The following HMG20B variants were observed in gnomAD, a reference collection of about 807,000 sequenced individuals.
HMG20B encodes the protein high mobility group 20B.
Under a neutral mutation model 41.6 loss-of-function variants are expected in HMG20B, and 24 were observed. That is an observed-to-expected ratio of 0.58 (90% confidence interval 0.42 to 0.81). The LOEUF is 0.81. Among genes scored for constraint, HMG20B ranks in the 30% least tolerant of loss-of-function variants. The pLI, the probability that HMG20B is intolerant of heterozygous loss-of-function variation, is 0.00. For synonymous variants in HMG20B, 251 were observed against 186.6 expected, an observed-to-expected ratio of 1.34 and a Z score of -2.81; for missense variants, 461 against 444.0, an observed-to-expected ratio of 1.04 and a Z score of -0.34.
intron 8 of HMG20B, 131 bp downstream of exon 8, chr19:3,577,238 C>T (rs1197612081): frequency 7.6e-6 from 5 of 661,480 alleles, no homozygotes; most frequent in Non-Finnish European, 1.2e-5. Context: ...TCCCCAGTCA[C>T]CCGGCCCCGC....
At position 3,574,529 on chromosome 19, in the gene HMG20B, C is replaced by A. The variant is rs1183902281; in HGVS notation, c.294C>A (p.Pro98=). ...IRTRHPDLPF[P]EITKMLGAEW... is the part of the protein sequence containing the mutation. ...CGCGCCACCCGGATCTGCCCTTTCCCGAGATCACCAAGATGCTGGGCGCCG... is the reference window on the plus strand; with the variant it reads ...CGCGCCACCCGGATCTGCCCTTTCCAGAGATCACCAAGATGCTGGGCGCCG... Residue 98 remains proline (P), a synonymous_variant, in exon 4 of 10, where the codon CCC becomes CCA. Transcript: ENST00000333651. 2 of 1,606,028 alleles carry A rather than the reference C, an allele frequency of 1.2e-6. No individual in the cohort carries two copies. Among genetic ancestry groups the A allele is most frequent in the Non-Finnish European group, 1.7e-6 (2 of 1,177,540 alleles).
chr19:3,578,730 G>C lies in HMG20B; in HGVS notation c.*209G>C, dbSNP rs774099255. 1 of 779,304 alleles carries C rather than the reference G, an allele frequency of 1.3e-6. No homozygotes were observed. Among genetic ancestry groups the C allele is most frequent in the South Asian group, 1.4e-5 (1 of 70,226 alleles). 48.3% of individuals were successfully genotyped at this position (779,304 alleles called of 1,614,324 possible). On this transcript the variant is annotated 3_prime_UTR_variant, in exon 10 of 10. Coordinates refer to ENST00000333651, the MANE Select transcript of HMG20B (RefSeq NM_006339.3). ...CCTGAACCCGGAAAAAGCACTCGCT[G>C]CGCGATACACCCAGAAGAACCTCAC...
intron 9 of HMG20B, 156 bp downstream of exon 9, chr19:3,578,269 C>T (rs1210975045): frequency 1.7e-6 from 2 of 1,201,690 alleles, no homozygotes; most frequent in African/African-American, 1.5e-5. Flanking sequence ...CCTGATGCAC[C>T]AGTGCTAGGA....
intron 6 of HMG20B, 54 bp from the exon 7 acceptor site, chr19:3,576,499 G>C (rs373156616): frequency 4.5e-5 from 69 of 1,522,320 alleles, no homozygotes; most frequent in Non-Finnish European, 5.9e-5. Context: ...CACACCCAGA[G>C]AGCGTGGCTG....
intron 2 of HMG20B, 150 bp downstream of exon 2, chr19:3,573,497 A>T (rs1420894802): frequency 1.4e-5 from 13 of 938,700 alleles, no homozygotes; most frequent in Non-Finnish European, 1.8e-5. Flanking sequence ...TGCACCCCCC[A>T]CCTCGGCCTC....
At chr19:3,575,175 G>A (rs553114609) in intron 4 of HMG20B, among the ~76,000 whole-genome samples, 1 of 152,268 alleles carries the variant, frequency 6.6e-6, no homozygotes, top group East Asian at 1.9e-4. Context: ...AAAACATCAC[G>A]GAAATGTAAC....
At chr19:3,574,265 C>G (rs966198182) in intron 3 of HMG20B, 118 bp from the exon 4 acceptor site, 22 of 948,584 alleles carry the variant, frequency 2.3e-5, no homozygotes, top group Non-Finnish European at 3.0e-5. Context: ...CGGGTTCTTC[C>G]TCCCAGCTAG....
chr19:3,576,238 C>T (rs571180513), intron 5 of HMG20B, 23 bp from the exon 6 acceptor site: 75 of 1,612,582 alleles, frequency 4.7e-5, no homozygotes, highest in Non-Finnish European at 6.0e-5. Context: ...GAGGCTGACC[C>T]TGCCCTTCCC....
intron 9 of HMG20B, 144 bp from the exon 10 acceptor site, chr19:3,578,365 G>A (rs1333265664): frequency 1.6e-6 from 2 of 1,276,926 alleles, no homozygotes; most frequent in African/African-American, 1.5e-5. Flanking sequence ...CCCAGCGCCC[G>A]GGTTAGATAG....
chr19:3,574,187 C>A, intron 3 of HMG20B, 196 bp from the exon 4 acceptor site: 2 of 617,610 alleles, frequency 3.2e-6, no homozygotes, highest in South Asian at 1.9e-5. Flanking sequence ...GATCCCCTCA[C>A]CCCTGGCCAG....
At chr19:3,576,088 A>T in intron 5 of HMG20B, 173 bp from the exon 6 acceptor site, 1 of 632,748 alleles carries the variant, frequency 1.6e-6, no homozygotes, top group Non-Finnish European at 2.8e-6. Context: ...CGGGGGAAAG[A>T]TACATAGCCA....
In HMG20B at chr19:3,572,951, T is replaced by C. The variant is rs1394241695; in HGVS notation, c.-62T>C. 2 of 239,298 alleles carry C rather than the reference T, an allele frequency of 8.4e-6. No individual in the cohort carries two copies. Among genetic ancestry groups the C allele is most frequent in the Non-Finnish European group, 1.6e-5 (2 of 122,960 alleles). The allele number at this position is 239,298 out of a possible 1,614,324, so 14.8% of individuals were successfully genotyped here. A position where few individuals can be genotyped will look rare whatever the true frequency, so the allele number is the denominator to read the frequency against. On this transcript the variant is annotated 5_prime_UTR_variant, in exon 1 of 10. Coordinates refer to ENST00000333651, the MANE Select transcript of HMG20B (RefSeq NM_006339.3). ...CGGGGGCGGGCTGCGGGCGGTTGGT[T>C]GGAGCGTCGCGCAGTCGGGAGGTCC... is the stretch of plus-strand genomic sequence containing the variant.
chr19:3,575,596 G>A lies in HMG20B; in HGVS notation c.408G>A (p.Ala136=), dbSNP rs774583445. 8 of 1,554,462 alleles carry A rather than the reference G, an allele frequency of 5.1e-6. No homozygotes were observed. Among genetic ancestry groups the A allele is most frequent in the South Asian group, 2.4e-5 (2 of 84,176 alleles). The part of the protein sequence containing the change: ...EKQQYMKELR[A]YQQSEAYKMC... ...AGCAGTACATGAAGGAGCTGCGGGC[G>A]TACCAGCAGTCTGAAGCCTATAAGA... The change falls in exon 5 of 10, where the codon GCG becomes GCA. Residue 136 remains alanine, a synonymous_variant. Coordinates refer to ENST00000333651, the MANE Select transcript of HMG20B (RefSeq NM_006339.3).
Position 3,578,486 on chromosome 19 carries a change from C to T in HMG20B, c.942-23C>T, listed in dbSNP as rs1431754726. 3.9e-6 allele frequency: 6 copies of T among 1,523,740 alleles called. No individual in the cohort carries two copies. In the Admixed American group the frequency reaches 8.5e-5, roughly 21 times the overall value. 94.4% of individuals were successfully genotyped at this position (1,523,740 alleles called of 1,614,324 possible). ...GCCAGAGATGATGAGGGCCTCATCC[C>T]GGGCCCTCCTCTCTCGTTTCAGCGA... On this transcript the variant is annotated intron_variant, in intron 9 of 9. Coordinates refer to ENST00000333651, the MANE Select transcript of HMG20B (RefSeq NM_006339.3).
At chr19:3,573,533 TCCCA>T in intron 2 of HMG20B, 155 bp from the exon 3 acceptor site, 2 of 882,234 alleles carry the variant, frequency 2.3e-6, no homozygotes, top group Non-Finnish European at 1.6e-6. Flanking sequence ...GCCCCGCTTG[TCCCA>T]CCTTCCCCGG....
chr19:3,578,338 A>G (rs750194158), intron 9 of HMG20B, 171 bp from the exon 10 acceptor site: 276 of 1,174,122 alleles, frequency 2.4e-4, no homozygotes, highest in Non-Finnish European at 3.0e-4. Context: ...ACTTCCCTAA[A>G]GCTTCTCAGG....
intron 5 of HMG20B, 182 bp from the exon 6 acceptor site, chr19:3,576,079 G>A (rs779649036): frequency 2.4e-5 from 15 of 623,258 alleles, no homozygotes; most frequent in Middle Eastern, 4.3e-4. Context: ...TGGGTTGGGC[G>A]GGGGAAAGAT....
intron 7 of HMG20B, 97 bp from the exon 8 acceptor site, chr19:3,576,795 C>T: frequency 2.2e-6 from 3 of 1,375,236 alleles, no homozygotes; most frequent in Middle Eastern, 4.8e-4. Flanking sequence ...GCAGAGGGCG[C>T]AGTGAGGGAA....
chr19:3,578,695 T>C lies in HMG20B; in HGVS notation c.*174T>C. ...TGCAGCATCCCTTTAGCTTTCAATC[T>C]CCCCAGCCCCCTGAACCCGGAAAAA... On this transcript the variant is annotated 3_prime_UTR_variant, in exon 10 of 10. Coordinates refer to ENST00000333651, the MANE Select transcript of HMG20B (RefSeq NM_006339.3). 1.1e-6 allele frequency: 1 copy of C among 881,242 alleles called. No homozygotes were observed. The highest frequency in any genetic ancestry group is 2.6e-5 in the East Asian group (1 of 38,464). 54.6% of individuals were successfully genotyped at this position (881,242 alleles called of 1,614,324 possible). A position where few individuals can be genotyped will look rare whatever the true frequency, so the allele number is the denominator to read the frequency against.
Sources: allele counts gnomAD v4.1 joint callset (sites outside exome capture counted in the v4.1 genomes callset), GRCh38; gene constraint gnomAD v4.1.1; transcripts MANE v1.5; gene names NCBI Gene and HGNC (gene_info 2026-07-23, HGNC 2026-07-21).